Variants in VPS13C observed in about 807,000 individuals in gnomAD.
The protein encoded by VPS13C is vacuolar protein sorting 13 homolog C, also known as intermembrane lipid transfer protein VPS13C.
Under a neutral mutation model 456.8 loss-of-function variants are expected in VPS13C, and 358 were observed. The observed-to-expected ratio is 0.78, with a 90% CI of 0.72 to 0.86. The LOEUF is 0.86. VPS13C is among the 40% of genes least tolerant of loss of function. The pLI, the probability that VPS13C is intolerant of heterozygous loss-of-function variation, is 0.00. For synonymous variants in VPS13C, 1,578 were observed against 1,486.7 expected (o/e 1.06, Z -1.41); for missense variants, 4,818 against 4,385.4 (o/e 1.10, Z -2.79).
Position 61,856,365 on chromosome 15 carries a change from C to T in VPS13C, c.10997G>A (p.Cys3666Tyr), listed in dbSNP as rs762264051. ...TTCAAATGGACATTGCCAGTCTACA[C>T]ACATAAGGCCCAGGATTTCAACTTC... is the stretch of plus-strand genomic sequence containing the variant. The part of the protein sequence containing the change: ...IKEVEILGLM[C>Y]VDWQCPFEDF... Residue 3666 changes from cysteine (C) to tyrosine (Y), a missense_variant, in exon 83 of 85, where the codon TGT becomes TAT. This residue lies in a region of VPS13C where 261 missense variants were observed against 234.1 expected (regional missense o/e 1.11). Transcript: ENST00000644861. 3 of 1,613,408 alleles carry T rather than the reference C, an allele frequency of 1.9e-6. No homozygotes were observed. The South Asian group carries it at 3.3e-5, about 18-fold the overall frequency.
rs781003373 is a variant in VPS13C, at chr15:62,010,636, T to C, written c.884-37A>G. 7 of 1,540,416 alleles carry C rather than the reference T, an allele frequency of 4.5e-6. No individual in the cohort carries two copies. The South Asian group carries it at 7.6e-5, about 17-fold the overall frequency. ...TGGGAAGACATAAGATATGTTCATA[T>C]GCTTTTACATATAAACAAGTGTAAA... On this transcript the variant is annotated intron_variant, in intron 12 of 84. Transcript: ENST00000644861.
rs779356231 is a variant in VPS13C at position 61,920,286 on chromosome 15, C to A, written c.7258G>T (p.Asp2420Tyr). The change falls in exon 57 of 85, where the codon GAC (aspartate) becomes TAC (tyrosine). Residue 2420 changes from aspartate to tyrosine, a missense_variant. Asp to Tyr is a radical substitution (Grantham distance 160). This residue lies in a region of VPS13C where 4,552 missense variants were observed against 4,130.6 expected (regional missense o/e 1.10). Coordinates refer to ENST00000644861, the MANE Select transcript of VPS13C (RefSeq NM_020821.3). ...TASTFDYSLK[D>Y]RAPFTVKNAV... ...TTTTTTACCGTAAAAGGAGCTCTGT[C>A]CTTTAAAGAGTAGTCAAAAGTAGAA... The A allele has an allele frequency of 4.3e-6, 7 of 1,611,824 alleles. No individual in the cohort carries two copies. In the South Asian group the frequency reaches 7.7e-5, roughly 18 times the overall value.
At chr15:61,924,372 T>C (rs1047441746) in intron 53 of VPS13C, among the ~76,000 whole-genome samples, 8 of 152,242 alleles carry the variant, frequency 5.3e-5, no homozygotes, top group Non-Finnish European at 8.8e-5. Flanking sequence ...ATCTTGGCCA[T>C]GCCTCTAGCA....
At chr15:62,015,807 T>G (rs2047220638) in intron 9 of VPS13C, among the ~76,000 whole-genome samples, 4 of 130,892 alleles carry the variant, frequency 3.1e-5, no homozygotes, top group African/African-American at 1.2e-4. Flanking sequence ...GGGGGAGGGA[T>G]AGCATTGGGA....
intron 1 of VPS13C, among the ~76,000 whole-genome samples, chr15:62,056,156 C>T (rs2140809614): frequency 6.6e-6 from 1 of 152,214 alleles, no homozygotes; most frequent in South Asian, 2.1e-4. Context: ...GTGAGGTGGG[C>T]GGCAAGCCAC....
chr15:61,931,579 C>CTTT (rs375639929), intron 49 of VPS13C, among the ~76,000 whole-genome samples: 4 of 137,982 alleles, frequency 2.9e-5, no homozygotes, highest in Admixed American at 7.3e-5. Flanking sequence ...TAAATTTTTT[C>CTTT]TTTTTTTTTT....
intron 47 of VPS13C, among the ~76,000 whole-genome samples, chr15:61,938,905 T>C (rs183172372): frequency 2.0e-5 from 3 of 152,318 alleles, no homozygotes; most frequent in Admixed American, 1.3e-4. Context: ...GTTATCACAC[T>C]GCATCTCTTA....
At position 61,959,445 on chromosome 15, in the gene VPS13C, T is replaced by G. The variant is rs376214207; in HGVS notation, c.4056+3A>C. The G allele has an allele frequency of 8.4e-5, 135 of 1,608,284 alleles. No individual in the cohort carries two copies. The highest frequency in any genetic ancestry group is 1.1e-4 in the Non-Finnish European group (127 of 1,176,460). Reference sequence around the variant, plus strand: ...GAAGTTTTTTCTTCACTCATATACTTACATTCATTGAATCAAGATGTCCTT... The same window carrying G: ...GAAGTTTTTTCTTCACTCATATACTGACATTCATTGAATCAAGATGTCCTT... On this transcript the variant is annotated splice_donor_region_variant and intron_variant, in intron 36 of 84. Transcript: ENST00000644861.
intron 19 of VPS13C, 88 bp from the exon 20 acceptor site, chr15:61,984,100 C>CT (rs2045965920): frequency 2.4e-6 from 3 of 1,251,258 alleles, no homozygotes; most frequent in Non-Finnish European, 3.3e-6. Context: ...TTAAAAACGT[C>CT]TTTGAGAACC....
intron 47 of VPS13C, among the ~76,000 whole-genome samples, chr15:61,938,217 C>T (rs1213263304): frequency 6.6e-6 from 1 of 152,062 alleles, no homozygotes; most frequent in Non-Finnish European, 1.5e-5. Flanking sequence ...ACCAAGATTA[C>T]CACAGCTTTC....
At position 61,936,701 on chromosome 15, in the gene VPS13C, T is replaced by G; in HGVS notation, c.5651A>C (p.Glu1884Ala). The change falls in exon 48 of 85, where the codon GAA becomes GCA. Residue 1884 changes from glutamate (E) to alanine (A), a missense_variant. By Grantham distance (107) the Glu-to-Ala change is moderately radical. Coordinates refer to ENST00000644861, the MANE Select transcript of VPS13C (RefSeq NM_020821.3). ...DLTVLMKILL[E>A]NLGEASSQPS... is the part of the protein sequence containing the mutation. ...TTGTGAGGAAGCTTCTCCAAGATTTTCTAGCAAAATTTTCATTAAAACTGT... is the reference window on the plus strand; with the variant it reads ...TTGTGAGGAAGCTTCTCCAAGATTTGCTAGCAAAATTTTCATTAAAACTGT... 3.7e-6 allele frequency: 6 copies of G among 1,613,620 alleles called. No individual in the cohort carries two copies. Among genetic ancestry groups the G allele is most frequent in the Non-Finnish European group, 5.1e-6 (6 of 1,179,798 alleles).
chr15:61,854,784 G>T, intron 84 of VPS13C, 87 bp downstream of exon 84: 1 of 1,245,118 alleles, frequency 8.0e-7, no homozygotes, highest in Non-Finnish European at 1.1e-6. Context: ...GGAGAGCTTT[G>T]GGAGAAATAA....
intron 50 of VPS13C, among the ~76,000 whole-genome samples, chr15:61,930,562 T>A (rs2044021673): frequency 1.3e-5 from 2 of 152,158 alleles, no homozygotes; most frequent in South Asian, 2.1e-4. Flanking sequence ...AATAAAAACA[T>A]AATTAGGCTA....
intron 49 of VPS13C, among the ~76,000 whole-genome samples, chr15:61,933,900 T>C (rs2044141090): frequency 6.6e-6 from 1 of 152,054 alleles, no homozygotes; most frequent in Non-Finnish European, 1.5e-5. Context: ...TATATATAGC[T>C]ATGTAATAAA....
intron 9 of VPS13C, 32 bp downstream of exon 9, chr15:62,020,447 T>A (rs375520270): frequency 1.3e-5 from 20 of 1,586,234 alleles, no homozygotes; most frequent in Non-Finnish European, 1.6e-5. Flanking sequence ...CTTTACAGGT[T>A]CCATAGAAGT....
chr15:61,909,261 A>C, intron 64 of VPS13C, 136 bp from the exon 65 acceptor site: 1 of 1,076,552 alleles, frequency 9.3e-7, no homozygotes, highest in Non-Finnish European at 1.3e-6. Context: ...AGGCTGGAGT[A>C]CAGTGGCGCC....
chr15:62,032,803 T>C (rs770482463), intron 5 of VPS13C, among the ~76,000 whole-genome samples: 1 of 151,752 alleles, frequency 6.6e-6, no homozygotes, highest in South Asian at 2.1e-4. Context: ...AGATAAACAA[T>C]AGATGTCTGG....
intron 73 of VPS13C, 28 bp downstream of exon 73, chr15:61,880,581 A>T: frequency 6.8e-7 from 1 of 1,472,026 alleles, no homozygotes; most frequent in South Asian, 1.3e-5. Context: ...AATTTCACTA[A>T]ATTTTCAAAA....
chr15:62,037,337 TATATA>T lies in VPS13C; in HGVS notation c.188-2290_188-2286del, dbSNP rs1195653140. 7.8e-4 allele frequency among the ~76,000 whole-genome samples: 70 copies of T among 89,582 alleles called. 1 individual carries two copies. Among genetic ancestry groups the T allele is most frequent in the African/African-American group, 2.5e-3 (57 of 23,032 alleles). The allele number at this position is 89,582 out of a possible 152,430, so 58.8% of individuals were successfully genotyped here. ...ATATATTATATATTATATACATTTA[TATATA>T]ATATATTATATATAAATGTATATAA... On this transcript the variant is annotated intron_variant, in intron 3 of 84. Coordinates refer to ENST00000644861, the MANE Select transcript of VPS13C (RefSeq NM_020821.3).
Sources: gnomAD v4.1 joint callset for allele counts (sites outside exome capture counted in the v4.1 genomes callset) on GRCh38, gnomAD v4.1.1 for gene constraint, gnomAD v4.1.1 regional missense constraint, MANE v1.5 for transcripts, NCBI Gene and HGNC (gene_info 2026-07-23, HGNC 2026-07-21) for gene names.